MBIP: variants seen among roughly 807,000 people sequenced by gnomAD.
MBIP encodes MAP3K12 binding inhibitory protein 1, also known as MAP3K12-binding inhibitory protein 1.
MBIP carries 32 observed loss-of-function variants against 45.7 expected under a neutral mutation model. That is an observed-to-expected ratio of 0.70 (90% CI 0.53 to 0.94). MBIP has a LOEUF of 0.94. Ranked by LOEUF, MBIP falls within the 40% of genes least tolerant of loss-of-function variation. The pLI is 0.00. For missense variants in MBIP, 381 were observed against 405.5 expected (o/e 0.94, Z 0.52); for synonymous variants, 145 against 141.0 (o/e 1.03, Z -0.20).
chr14:36,316,728 A>C lies in MBIP; in HGVS notation c.214T>G (p.Phe72Val). The C allele has an allele frequency of 6.2e-7, 1 of 1,612,266 alleles. No individual in the cohort carries two copies. Among genetic ancestry groups the C allele is most frequent in the Non-Finnish European group, 8.5e-7 (1 of 1,179,052 alleles). ...AAAATGTGTTGTTCAAGTGCACTAA[A>C]GAGCAATGCAGGCTGGAATGCCGAG... is the stretch of plus-strand genomic sequence containing the variant. ...SLSAFQPALL[F>V]SALEQHILYL... The change falls in exon 2 of 9, where the codon TTT becomes GTT. Residue 72 changes from phenylalanine (F) to valine (V), a missense_variant. Phe to Val is a conservative substitution (Grantham distance 50). Coordinates refer to ENST00000416007, the MANE Select transcript of MBIP (RefSeq NM_016586.3).
rs1347635989 is a variant in MBIP at position 36,298,977 on chromosome 14, TCA to T, written c.*104_*105del. On this transcript the variant is annotated 3_prime_UTR_variant, in exon 9 of 9. Coordinates refer to ENST00000416007, the MANE Select transcript of MBIP (RefSeq NM_016586.3). ...ACTCATGTGAAAATAAACCTTGACTTCACAGAGAAGTCTACATTGATAAATAT... is the reference window on the plus strand; with the variant it reads ...ACTCATGTGAAAATAAACCTTGACTTCAGAGAAGTCTACATTGATAAATAT... 5.4e-6 allele frequency: 4 copies of T among 739,000 alleles called. No individual in the cohort carries two copies. In the Admixed American group the frequency reaches 1.0e-4, roughly 18 times the overall value. 45.8% of individuals were successfully genotyped at this position (739,000 alleles called of 1,614,324 possible).
chr14:36,312,655 CTAT>C (rs1880277301), intron 4 of MBIP, among the ~76,000 whole-genome samples: 1 of 151,994 alleles, frequency 6.6e-6, no homozygotes, highest in South Asian at 2.1e-4. Context: ...AAATTTGTCC[CTAT>C]TTTTTTCCAA....
At position 36,300,822 on chromosome 14, in the gene MBIP, C is replaced by T; in HGVS notation, c.890G>A (p.Ser297Asn). ...AACTTTTCTTCTTTTTCCAGAAAAG[C>T]TCTAGATTAAAAAAAAAAAGGTAAT... is the stretch of plus-strand genomic sequence containing the variant. The part of the protein sequence containing the change: ...GISPEYFQSV[S>N]FSGKRRKVQP... Residue 297 changes from serine (S) to asparagine (N), a missense_variant and splice_region_variant, in exon 8 of 9, where the codon AGC becomes AAC. Transcript: ENST00000416007. 2 of 1,512,664 alleles carry T rather than the reference C, an allele frequency of 1.3e-6. No homozygotes were observed. The allele number at this position is 1,512,664 out of a possible 1,614,324, so 93.7% of individuals were successfully genotyped here.
Position 36,314,797 on chromosome 14 carries a change from TCGC to T in MBIP, c.365_367del (p.Gly122del), listed in dbSNP as rs754695745. On this transcript the variant is annotated inframe_deletion, in exon 3 of 9. Coordinates refer to ENST00000416007, the MANE Select transcript of MBIP (RefSeq NM_016586.3). ...TTTGTGCTTTTCTTCCTCTTGTAGG[TCGC>T]CAATGGAAAATTTGTCATTTACTTC... The T allele has an allele frequency of 9.3e-6, 15 of 1,613,548 alleles. No individual in the cohort carries two copies. The highest frequency in any genetic ancestry group is 1.3e-5 in the Non-Finnish European group (15 of 1,179,738).
chr14:36,307,957 T>C (rs1424236901), intron 7 of MBIP, 135 bp downstream of exon 7: 7 of 547,036 alleles, frequency 1.3e-5, no homozygotes, highest in African/African-American at 1.9e-5. Context: ...ATATCCCCTA[T>C]ACAGGACTGT....
chr14:36,300,405 C>A (rs1360529315), intron 8 of MBIP, among the ~76,000 whole-genome samples: 1 of 152,152 alleles, frequency 6.6e-6, no homozygotes, highest in African/African-American at 2.4e-5. Context: ...GCACTTTAGA[C>A]AGGGCTGGCT....
chr14:36,316,114 A>T lies in MBIP; in HGVS notation c.249+579T>A, dbSNP rs1183973283. Among the ~76,000 whole-genome samples, 3 of 152,204 alleles carry T rather than the reference A, an allele frequency of 2.0e-5. No homozygotes were observed. In the East Asian group the frequency reaches 5.8e-4, roughly 29 times the overall value. ...TATAACAACACTATTATAAATACCAATTCAATATTAACTTCTAATATAAAG... is the reference window on the plus strand; with the variant it reads ...TATAACAACACTATTATAAATACCATTTCAATATTAACTTCTAATATAAAG... On this transcript the variant is annotated intron_variant, in intron 2 of 8. Transcript: ENST00000416007.
chr14:36,312,155 A>C (rs975636249), intron 4 of MBIP, 131 bp from the exon 5 acceptor site: 1 of 480,316 alleles, frequency 2.1e-6, no homozygotes, highest in African/African-American at 2.1e-5. Context: ...AGTAACAATA[A>C]ATTACTATCA....
At chr14:36,311,476 G>C (rs1349745185) in intron 6 of MBIP, 97 bp downstream of exon 6, 5 of 1,136,966 alleles carry the variant, frequency 4.4e-6, no homozygotes. Context: ...TTCAAGAAAT[G>C]TTAGGAGCTA....
In MBIP at chr14:36,314,835, C is replaced by T. The variant is rs748466016; in HGVS notation, c.330G>A (p.Gly110=). 1.5e-5 allele frequency: 24 copies of T among 1,613,200 alleles called. No homozygotes were observed. Among genetic ancestry groups the T allele is most frequent in the South Asian group, 1.1e-4 (10 of 91,068 alleles). Residue 110 remains glycine, a synonymous_variant, in exon 3 of 9, where the codon GGG becomes GGA. Coordinates refer to ENST00000416007, the MANE Select transcript of MBIP (RefSeq NM_016586.3). ...AVEEIGRTEM[G]NKNEVNDKFS... is the part of the protein sequence containing the mutation. The stretch of plus-strand genomic sequence containing the variant: ...ATTTGTCATTTACTTCATTTTTGTT[C>T]CCCATTTCTGTTCTTCCTATCTCTT...
intron 6 of MBIP, among the ~76,000 whole-genome samples, chr14:36,309,272 A>AC (rs1482204701): frequency 1.3e-5 from 2 of 151,780 alleles, no homozygotes; most frequent in African/African-American, 4.8e-5. Flanking sequence ...CCTTACCTTA[A>AC]TTTTCTCCAT....
chr14:36,301,057 A>T (rs1315059633), intron 7 of MBIP: 1 of 301,152 alleles, frequency 3.3e-6, no homozygotes, highest in Non-Finnish European at 6.1e-6. Context: ...CAACATGCTC[A>T]TCCTTGGCAA....
chr14:36,302,490 TTAAAAAAAAAAAAA>T (rs1439483506), intron 7 of MBIP, among the ~76,000 whole-genome samples: 2 of 28,294 alleles, frequency 7.1e-5, no homozygotes, highest in African/African-American at 2.4e-4. Context: ...AGACACCATC[TTAAAAAAAAAAAAA>T]AAAAAAAAAA....
intron 1 of MBIP, among the ~76,000 whole-genome samples, chr14:36,320,073 T>C (rs550372012): frequency 9.9e-5 from 15 of 151,576 alleles, no homozygotes; most frequent in African/African-American, 3.6e-4. Flanking sequence ...TTTCTATAAA[T>C]CTCAGGCCTA....
At chr14:36,312,050 G>A (rs1409527082) in intron 4 of MBIP, 26 bp from the exon 5 acceptor site, 1 of 1,339,024 alleles carries the variant, frequency 7.5e-7, no homozygotes, top group South Asian at 1.4e-5. Flanking sequence ...ATAAATATAA[G>A]TTTAAATATA....
In MBIP at chr14:36,320,596, T is replaced by A; in HGVS notation, c.-8A>T. ...CTCCGTGGCAGCAGCCATGATATCT[T>A]CTCAGGCCGCCCCACCACCACCACC... On this transcript the variant is annotated 5_prime_UTR_variant, in exon 1 of 9. Coordinates refer to ENST00000416007, the MANE Select transcript of MBIP (RefSeq NM_016586.3). 4 of 1,596,310 alleles carry A rather than the reference T, an allele frequency of 2.5e-6. No homozygotes were observed. Among genetic ancestry groups the A allele is most frequent in the Non-Finnish European group, 3.4e-6 (4 of 1,170,150 alleles).
rs77959877 is a variant in MBIP, at chr14:36,316,420, T to C, written c.249+273A>G. Among the ~76,000 whole-genome samples, 179 of 152,208 alleles carry C rather than the reference T, an allele frequency of 1.2e-3. 3 individuals are homozygous for C. In the East Asian group the frequency reaches 0.031, roughly 27 times the overall value. ...CTTATTGCTTAATTATAACCCACCA[T>C]AGATGGAACTGTATTGAATTTTCAG... On this transcript the variant is annotated intron_variant, in intron 2 of 8. Transcript: ENST00000416007.
chr14:36,315,820 C>A (rs1880533799), intron 2 of MBIP, among the ~76,000 whole-genome samples: 1 of 152,110 alleles, frequency 6.6e-6, no homozygotes, highest in African/African-American at 2.4e-5. Flanking sequence ...AGTCAAAACA[C>A]ACTAACACTA....
chr14:36,311,856 T>C, intron 5 of MBIP, 103 bp downstream of exon 5: 1 of 1,212,724 alleles, frequency 8.2e-7, no homozygotes, highest in Non-Finnish European at 1.1e-6. Context: ...GCAAGATGTT[T>C]TTGTTTTAAA....
Sources: allele counts gnomAD v4.1 joint callset (sites outside exome capture counted in the v4.1 genomes callset), GRCh38; gene constraint gnomAD v4.1.1; transcripts MANE v1.5; gene names NCBI Gene and HGNC (gene_info 2026-07-23, HGNC 2026-07-21).